VPS37A: variants seen among roughly 807,000 people sequenced by gnomAD.
The protein encoded by VPS37A is VPS37A subunit of ESCRT-I.
Under a neutral mutation model 49.8 loss-of-function variants are expected in VPS37A, and 30 were observed. That is an observed-to-expected ratio of 0.60 (90% CI 0.45 to 0.82). The LOEUF is 0.82. Among genes scored for constraint, VPS37A ranks in the 40% least tolerant of loss-of-function variants. The pLI is 0.00. For synonymous variants in VPS37A, 195 were observed against 160.6 expected (o/e 1.21, Z -1.62); for missense variants, 593 against 464.4 (o/e 1.28, Z -2.55).
chr8:17,301,200 G>T (rs1817086222), downstream of VPS37A, among the ~76,000 whole-genome samples: 1 of 152,222 alleles, frequency 6.6e-6, no homozygotes, highest in African/African-American at 2.4e-5. Context: ...TACAGACCCA[G>T]CCTTAAGGAA....
chr8:17,277,080 C>T (rs1055772317), intron 6 of VPS37A, among the ~76,000 whole-genome samples: 1 of 152,100 alleles, frequency 6.6e-6, no homozygotes, highest in Non-Finnish European at 1.5e-5. Flanking sequence ...AATAAGACTA[C>T]TGAATGCAGT....
chr8:17,318,186 T>C, the VPS37A span, among the ~76,000 whole-genome samples: 3 of 152,058 alleles, frequency 2.0e-5, no homozygotes, highest in Non-Finnish European at 4.4e-5. Flanking sequence ...GTCTCACACA[T>C]GTTTGGGATC....
At chr8:17,325,259 C>A in the VPS37A span, among the ~76,000 whole-genome samples, 1 of 152,112 alleles carries the variant, frequency 6.6e-6, no homozygotes, top group Non-Finnish European at 1.5e-5. Context: ...AGGCATCCAA[C>A]ATGTGACCGT....
At chr8:17,292,798 C>T (rs1816271217) in intron 11 of VPS37A, among the ~76,000 whole-genome samples, 2 of 152,200 alleles carry the variant, frequency 1.3e-5, no homozygotes, top group Admixed American at 6.5e-5. Flanking sequence ...TCTCTTCTGG[C>T]TTATAGGGTT....
At chr8:17,263,914 C>G (rs1261789872) in intron 1 of VPS37A, among the ~76,000 whole-genome samples, 8 of 152,148 alleles carry the variant, frequency 5.3e-5, no homozygotes, top group Non-Finnish European at 8.8e-5. Context: ...ACACTCCAGC[C>G]TGGGCAACAG....
intron 1 of VPS37A, among the ~76,000 whole-genome samples, chr8:17,249,937 A>G (rs80291664): frequency 1.9e-4 from 29 of 152,328 alleles, no homozygotes; most frequent in Non-Finnish European, 4.0e-4. Flanking sequence ...CAAAAAGAGT[A>G]TGGTAATGGT....
At chr8:17,284,341 A>C in intron 9 of VPS37A, 132 bp from the exon 10 acceptor site, 2 of 1,039,754 alleles carry the variant, frequency 1.9e-6, no homozygotes, top group Non-Finnish European at 2.6e-6. Flanking sequence ...ATAAGACAGC[A>C]GATTTTCTCA....
chr8:17,278,676 T>C lies in VPS37A; in HGVS notation c.714-1352T>C, dbSNP rs1377166362. On this transcript the variant is annotated intron_variant, in intron 6 of 11. Coordinates refer to ENST00000324849, the MANE Select transcript of VPS37A (RefSeq NM_152415.3). ...AATACCAGTACTGTTACTAAGATTA[T>C]TGAATGCAGGTTAAATTTTTGTTTT... 3.3e-5 allele frequency among the ~76,000 whole-genome samples: 5 copies of C among 152,240 alleles called. No homozygotes were observed. The East Asian group carries it at 7.7e-4, about 24-fold the overall frequency.
intron 1 of VPS37A, among the ~76,000 whole-genome samples, chr8:17,263,586 A>C (rs1237423993): frequency 6.6e-6 from 1 of 152,210 alleles, no homozygotes; most frequent in Non-Finnish European, 1.5e-5. Context: ...GGACATTTCT[A>C]ACCAATTATT....
At chr8:17,307,908 G>GGATA in the VPS37A span, among the ~76,000 whole-genome samples, 1 of 148,564 alleles carries the variant, frequency 6.7e-6, no homozygotes, top group African/African-American at 2.5e-5. Context: ...GAGGGGGGAG[G>GGATA]GATAGCATTA....
At chr8:17,323,534 G>A in the VPS37A span, among the ~76,000 whole-genome samples, 3 of 152,106 alleles carry the variant, frequency 2.0e-5, no homozygotes, top group African/African-American at 4.8e-5. Flanking sequence ...AAAGTCCGGC[G>A]TGGATGTAAA....
intron 1 of VPS37A, among the ~76,000 whole-genome samples, chr8:17,252,641 C>A (rs1189579003): frequency 6.6e-6 from 1 of 152,154 alleles, no homozygotes; most frequent in Non-Finnish European, 1.5e-5. Context: ...TTGCTTCAAG[C>A]TGAAGAGTAG....
At chr8:17,325,568 G>A in the VPS37A span, among the ~76,000 whole-genome samples, 10 of 152,216 alleles carry the variant, frequency 6.6e-5, no homozygotes, top group South Asian at 1.2e-3. Context: ...CCGTACGATC[G>A]CCCACATGCC....
intron 4 of VPS37A, among the ~76,000 whole-genome samples, chr8:17,271,137 T>C (rs1051610710): frequency 2.6e-5 from 4 of 152,204 alleles, no homozygotes; most frequent in Non-Finnish European, 4.4e-5. Context: ...AATTTTCGTT[T>C]CTTGGTTCTG....
At chr8:17,268,124 A>G (rs769188197) in intron 2 of VPS37A, 134 bp from the exon 3 acceptor site, 1 of 582,182 alleles carries the variant, frequency 1.7e-6, no homozygotes, top group Non-Finnish European at 3.0e-6. Flanking sequence ...ATAATAGAGC[A>G]CTTATTACTA....
At chr8:17,252,554 C>T (rs1222422826) in intron 1 of VPS37A, among the ~76,000 whole-genome samples, 2 of 152,124 alleles carry the variant, frequency 1.3e-5, no homozygotes, top group Non-Finnish European at 2.9e-5. Context: ...CAGAAGATTT[C>T]CCCTATGTCC....
chr8:17,254,406 C>G (rs1332252176), intron 1 of VPS37A, among the ~76,000 whole-genome samples: 1 of 152,156 alleles, frequency 6.6e-6, no homozygotes. Context: ...AAGCTGGAAA[C>G]AAGCTAGGAA....
intron 4 of VPS37A, chr8:17,272,098 C>T (rs1027599336): frequency 4.4e-6 from 2 of 456,362 alleles, no homozygotes; most frequent in African/African-American, 4.0e-5. Context: ...TTGCATGCAG[C>T]AGTATTGGTA....
chr8:17,274,753 G>A lies in VPS37A; in HGVS notation c.437G>A (p.Gly146Glu), dbSNP rs758355214. The change falls in exon 5 of 12, where the codon GGG becomes GAG. Residue 146 changes from glycine to glutamate, a missense_variant. Gly to Glu is a moderately conservative substitution (Grantham distance 98). Transcript: ENST00000324849. ...TTCAGTCTATACAGTAACCCAAGTGGGATGTCTCCTTATGCTTCTCAGGGT... is the reference window on the plus strand; with the variant it reads ...TTCAGTCTATACAGTAACCCAAGTGAGATGTCTCCTTATGCTTCTCAGGGT... ...AFPYLYSNPSGMSPYASQGFP... is the reference protein window; with the variant it reads ...AFPYLYSNPSEMSPYASQGFP... The A allele has an allele frequency of 5.0e-6, 8 of 1,613,748 alleles. No individual in the cohort carries two copies. Among genetic ancestry groups the A allele is most frequent in the African/African-American group, 2.7e-5 (2 of 74,844 alleles).
Sources: gnomAD v4.1 joint callset for allele counts (sites outside exome capture counted in the v4.1 genomes callset) on GRCh38, gnomAD v4.1.1 for gene constraint, MANE v1.5 for transcripts, NCBI Gene and HGNC (gene_info 2026-07-23, HGNC 2026-07-21) for gene names.